The following UBE2E2 variants were observed in gnomAD, a reference collection of about 807,000 sequenced individuals.
UBE2E2 encodes ubiquitin conjugating enzyme E2 E2.
UBE2E2 carries 6 observed loss-of-function variants against 24.7 expected under a neutral mutation model. The ratio of observed to expected loss-of-function variants is 0.24; its 90% confidence interval spans 0.13 to 0.48. UBE2E2 has a LOEUF of 0.48. UBE2E2 is among the 20% of genes least tolerant of loss of function. The pLI is 0.99. For synonymous variants in UBE2E2, 104 were observed against 83.6 expected (o/e 1.24, Z -1.33); for missense variants, 169 against 245.0 (o/e 0.69, Z 2.07).
rs17411757 is a variant in UBE2E2, at chr3:23,386,861, C to T, written c.228-112747C>T. Among the ~76,000 whole-genome samples the T allele has an allele frequency of 3.6e-3, 554 of 152,292 alleles. 3 individuals are homozygous for T. The highest frequency in any genetic ancestry group is 0.022 in the South Asian group (106 of 4,826). On this transcript the variant is annotated intron_variant, in intron 3 of 5. Coordinates refer to ENST00000396703, the MANE Select transcript of UBE2E2 (RefSeq NM_152653.4). ...ATTTGCTGGCCATTCAGTTTTCATA[C>T]ATTGTGACCTGTTGTCAGAACCCAT...
At chr3:23,292,501 T>G (rs1486787524) in intron 3 of UBE2E2, among the ~76,000 whole-genome samples, 1 of 152,172 alleles carries the variant, frequency 6.6e-6, no homozygotes, top group East Asian at 1.9e-4. Flanking sequence ...AGGCTTGCTC[T>G]CTCTACTAGC....
At chr3:23,247,708 C>A (rs1406601519) in intron 3 of UBE2E2, among the ~76,000 whole-genome samples, 1 of 152,158 alleles carries the variant, frequency 6.6e-6, no homozygotes, top group Non-Finnish European at 1.5e-5. Context: ...CAATGAAAGG[C>A]ATTTCTTTGA....
intron 3 of UBE2E2, among the ~76,000 whole-genome samples, chr3:23,458,592 T>A (rs1698736271): frequency 6.6e-6 from 1 of 152,090 alleles, no homozygotes; most frequent in Non-Finnish European, 1.5e-5. Flanking sequence ...TAATTTTTTG[T>A]ATTTTTAGTA....
intron 3 of UBE2E2, among the ~76,000 whole-genome samples, chr3:23,342,689 T>C (rs776654137): frequency 1.7e-4 from 26 of 152,224 alleles, no homozygotes; most frequent in Admixed American, 6.5e-4. Flanking sequence ...ACACCAAGAA[T>C]ACATACATGT....
At chr3:23,500,488 G>A (rs139112814) in intron 4 of UBE2E2, among the ~76,000 whole-genome samples, 12 of 152,056 alleles carry the variant, frequency 7.9e-5, no homozygotes, top group East Asian at 3.9e-4. Flanking sequence ...ATATTGTGTC[G>A]TCTCCATTAG....
In UBE2E2 at chr3:23,484,448, CTT is replaced by C. The variant is rs529015109; in HGVS notation, c.228-15151_228-15150del. Among the ~76,000 whole-genome samples, 22 of 149,442 alleles carry C rather than the reference CTT, an allele frequency of 1.5e-4. No homozygotes were observed. In the East Asian group the frequency reaches 4.3e-3, roughly 29 times the overall value. On this transcript the variant is annotated intron_variant, in intron 3 of 5. Coordinates refer to ENST00000396703, the MANE Select transcript of UBE2E2 (RefSeq NM_152653.4). The stretch of plus-strand genomic sequence containing the variant: ...AAGCTCACCTACCAGGAAATGAAAA[CTT>C]TTTTTTTTACAGGGTTCCCATAGCA...
intron 3 of UBE2E2, among the ~76,000 whole-genome samples, chr3:23,465,925 G>A (rs1173839555): frequency 6.6e-6 from 1 of 152,074 alleles, no homozygotes; most frequent in Admixed American, 6.5e-5. Flanking sequence ...GAGAGCAATA[G>A]TCTGCATTTA....
At chr3:23,316,502 G>A (rs947109669) in intron 3 of UBE2E2, among the ~76,000 whole-genome samples, 3 of 151,790 alleles carry the variant, frequency 2.0e-5, no homozygotes, top group Non-Finnish European at 4.4e-5. Context: ...AATTCCCCCC[G>A]TAGGGCAGTG....
At chr3:23,253,595 A>C (rs1483891186) in intron 3 of UBE2E2, among the ~76,000 whole-genome samples, 2 of 152,248 alleles carry the variant, frequency 1.3e-5, no homozygotes, top group Non-Finnish European at 2.9e-5. Context: ...CATAATCTTT[A>C]ATTCAGTAAT....
intron 3 of UBE2E2, among the ~76,000 whole-genome samples, chr3:23,494,256 T>C (rs918013448): frequency 7.2e-5 from 11 of 152,214 alleles, no homozygotes; most frequent in Non-Finnish European, 1.6e-4. Context: ...GTATGTAATT[T>C]TAAATCTCCT....
intron 3 of UBE2E2, among the ~76,000 whole-genome samples, chr3:23,468,236 T>A (rs1336184896): frequency 6.6e-6 from 1 of 152,220 alleles, no homozygotes; most frequent in Non-Finnish European, 1.5e-5. Flanking sequence ...TTTATTTCAG[T>A]CTTTACTGTT....
chr3:23,257,501 C>G (rs1395140510), intron 3 of UBE2E2, among the ~76,000 whole-genome samples: 1 of 86,194 alleles, frequency 1.2e-5, no homozygotes, highest in Non-Finnish European at 2.3e-5. Context: ...TTTCTTCTGG[C>G]TGTTTCCCGT....
intron 3 of UBE2E2, among the ~76,000 whole-genome samples, chr3:23,495,621 C>T (rs146679221): frequency 5.9e-5 from 9 of 152,294 alleles, no homozygotes; most frequent in African/African-American, 7.2e-5. Flanking sequence ...TTAAGCTCTT[C>T]CTTCTGATAA....
chr3:23,257,335 TCCAG>T (rs1180672106), intron 3 of UBE2E2, among the ~76,000 whole-genome samples: 1 of 152,144 alleles, frequency 6.6e-6, no homozygotes, highest in Non-Finnish European at 1.5e-5. Context: ...GTTCCTTGAC[TCCAG>T]GACTGTGAAA....
intron 3 of UBE2E2, among the ~76,000 whole-genome samples, chr3:23,420,670 AC>A (rs1697774014): frequency 6.6e-6 from 1 of 152,228 alleles, no homozygotes; most frequent in African/African-American, 2.4e-5. Flanking sequence ...CTACACCAGA[AC>A]CACTTGTAAA....
At chr3:23,332,671 T>TGGGG (rs78884458) in intron 3 of UBE2E2, among the ~76,000 whole-genome samples, 1 of 79,130 alleles carries the variant, frequency 1.3e-5, no homozygotes, top group East Asian at 3.7e-4. Flanking sequence ...TGGCAGCCAG[T>TGGGG]GGGGTGTGTG....
At chr3:23,296,899 C>G (rs183657045) in intron 3 of UBE2E2, among the ~76,000 whole-genome samples, 78 of 152,262 alleles carry the variant, frequency 5.1e-4, no homozygotes, top group South Asian at 1.9e-3. Context: ...CTTCCACAAT[C>G]GTTGAACTAG....
At chr3:23,204,702 A>C (rs1696098496) in intron 1 of UBE2E2, 1 of 985,228 alleles carries the variant, frequency 1.0e-6, no homozygotes, top group African/African-American at 1.7e-5. Context: ...TTTACCCCCA[A>C]ATCAGGTGTT....
intron 3 of UBE2E2, among the ~76,000 whole-genome samples, chr3:23,428,165 G>T (rs1280810755): frequency 3.3e-5 from 5 of 152,082 alleles, no homozygotes; most frequent in Non-Finnish European, 7.4e-5. Context: ...ACTGCATTCT[G>T]GATCATAAAA....
Sources: allele counts gnomAD v4.1 joint callset (sites outside exome capture counted in the v4.1 genomes callset), GRCh38; gene constraint gnomAD v4.1.1; transcripts MANE v1.5; gene names NCBI Gene and HGNC (gene_info 2026-07-23, HGNC 2026-07-21).